CDC16: variants seen among roughly 807,000 people sequenced by gnomAD.
CDC16 encodes cell division cycle 16.
CDC16 carries 34 observed loss-of-function variants against 87.0 expected under a neutral mutation model. The observed-to-expected ratio is 0.39, with a 90% confidence interval of 0.30 to 0.52. The LOEUF (loss-of-function observed/expected upper bound fraction) is 0.52, where lower values mean the gene tolerates loss of function less well. Among genes scored for constraint, CDC16 ranks in the 20% least tolerant of loss-of-function variants. CDC16 has a pLI of 0.74. For missense variants in CDC16, 653 were observed against 751.9 expected (o/e 0.87, Z 1.54); for synonymous variants, 263 against 260.6 (o/e 1.01, Z -0.09).
chr13:114,250,662 A>G lies in CDC16; in HGVS notation c.1085A>G (p.Gln362Arg), dbSNP rs779518664. ...ATGGCTGCTTACTTCACAGCAGCAC[A>G]GCTGATGAAAGGGTACGGCAGAGCA... ...QAMAAYFTAA[Q>R]LMKGCHLPML... The change falls in exon 12 of 18, where the codon CAG (glutamine) becomes CGG (arginine). Residue 362 changes from glutamine (Q) to arginine (R), a missense_variant. Gln to Arg is a conservative substitution (Grantham distance 43). Transcript: ENST00000356221. The G allele has an allele frequency of 6.2e-7, 1 of 1,614,146 alleles. No homozygotes were observed. Among genetic ancestry groups the G allele is most frequent in the Non-Finnish European group, 8.5e-7 (1 of 1,179,978 alleles).
chr13:114,266,857 G>A (rs924373176), intron 17 of CDC16, among the ~76,000 whole-genome samples: 7 of 152,002 alleles, frequency 4.6e-5, no homozygotes, highest in Admixed American at 6.5e-5. Flanking sequence ...CACCACGCCC[G>A]GCTAATTTTT....
At chr13:114,238,361 C>T (rs2081364254) in intron 3 of CDC16, among the ~76,000 whole-genome samples, 1 of 147,592 alleles carries the variant, frequency 6.8e-6, no homozygotes, top group Non-Finnish European at 1.5e-5. Flanking sequence ...GGATGCCCAG[C>T]AGTTATTCAC....
chr13:114,256,601 ACT>A (rs747528452), intron 12 of CDC16, among the ~76,000 whole-genome samples: 3 of 152,224 alleles, frequency 2.0e-5, no homozygotes, highest in Non-Finnish European at 4.4e-5. Flanking sequence ...ATTATTCATA[ACT>A]CTTCTGCATA....
chr13:114,235,749 A>G (rs2081218606), intron 1 of CDC16, among the ~76,000 whole-genome samples: 1 of 152,208 alleles, frequency 6.6e-6, no homozygotes, highest in African/African-American at 2.4e-5. Flanking sequence ...AAGAAAAGCC[A>G]TGGTAATGCA....
intron 12 of CDC16, among the ~76,000 whole-genome samples, chr13:114,253,425 A>C (rs145363929): frequency 0.011 from 1,736 of 152,216 alleles, 97 homozygotes; most frequent in Admixed American, 0.081. Flanking sequence ...GCAGTGGCTC[A>C]CACCTGTAAT....
chr13:114,244,098 G>A, intron 8 of CDC16, 109 bp downstream of exon 8: 2 of 772,814 alleles, frequency 2.6e-6, no homozygotes, highest in South Asian at 3.9e-5. Flanking sequence ...GATAATTTAA[G>A]TTATCTTTAC....
intron 17 of CDC16, among the ~76,000 whole-genome samples, chr13:114,266,908 G>A (rs1157138216): frequency 6.6e-6 from 1 of 151,938 alleles, no homozygotes; most frequent in African/African-American, 2.4e-5. Context: ...GTGTTCGCCA[G>A]GATGATCTTG....
rs961868256 is a variant in CDC16, at chr13:114,235,025, A to G, written c.-60A>G. ...GGCACGGGCACGGGGCGGGGTGCTT[A>G]GGGTGCAGGAGGCGCGCGCCTAGCG... On this transcript the variant is annotated 5_prime_UTR_variant, in exon 1 of 18. Coordinates refer to ENST00000356221, the MANE Select transcript of CDC16 (RefSeq NM_001078645.3). 2.0e-5 allele frequency: 24 copies of G among 1,211,268 alleles called. No individual in the cohort carries two copies. Among genetic ancestry groups the G allele is most frequent in the South Asian group, 3.4e-5 (1 of 29,512 alleles). 75.0% of individuals were successfully genotyped at this position (1,211,268 alleles called of 1,614,324 possible). A position where few individuals can be genotyped will look rare whatever the true frequency, so the allele number is the denominator to read the frequency against.
intron 15 of CDC16, 66 bp from the exon 16 acceptor site, chr13:114,262,813 T>C: frequency 2.0e-6 from 3 of 1,538,074 alleles, no homozygotes; most frequent in South Asian, 1.1e-5. Flanking sequence ...ATATGGATGG[T>C]TGCTCATCTT....
chr13:114,239,610 A>G (rs1228012659), intron 5 of CDC16, 120 bp downstream of exon 5: 1 of 1,265,286 alleles, frequency 7.9e-7, no homozygotes, highest in East Asian at 2.9e-5. Flanking sequence ...TTGCCAATTT[A>G]TTTAATTTGC....
Position 114,246,010 on chromosome 13 carries a change from T to C in CDC16, c.858T>C (p.Tyr286=). The C allele has an allele frequency of 6.7e-7, 1 of 1,489,926 alleles. No homozygotes were observed. Among genetic ancestry groups the C allele is most frequent in the Non-Finnish European group, 9.3e-7 (1 of 1,080,560 alleles). 92.3% of individuals were successfully genotyped at this position (1,489,926 alleles called of 1,614,324 possible). The change falls in exon 10 of 18, where the codon TAT becomes TAC. Residue 286 remains tyrosine, a synonymous_variant. Transcript: ENST00000356221. ...VELNKANELF[Y]LSHKLVDLYP... ...CTTTTTCCTGAACAGAACTTTTCTA[T>C]CTTTCTCATAAACTGGTGGATTTAT...
intron 16 of CDC16, among the ~76,000 whole-genome samples, chr13:114,264,582 A>C (rs2083073936): frequency 6.6e-6 from 1 of 152,012 alleles, no homozygotes; most frequent in African/African-American, 2.4e-5. Context: ...AAAAATACAG[A>C]AGGCTCAGAG....
At chr13:114,259,486 C>A in intron 14 of CDC16, 88 bp downstream of exon 14, 2 of 711,174 alleles carry the variant, frequency 2.8e-6, no homozygotes, top group Non-Finnish European at 4.4e-6. Flanking sequence ...AATCTCTTGC[C>A]TTCGAAGATA....
rs1326968168 is a variant in CDC16 at position 114,263,068 on chromosome 13, T to G, written c.1512+54T>G. ...AATCTGGTTAACATTGACCACTTCC[T>G]TTTTTGAAAATATTTTTTCTAGGTA... On this transcript the variant is annotated intron_variant, in intron 16 of 17. Coordinates refer to ENST00000356221, the MANE Select transcript of CDC16 (RefSeq NM_001078645.3). 2.0e-6 allele frequency: 3 copies of G among 1,491,948 alleles called. No homozygotes were observed. In the East Asian group the frequency reaches 6.8e-5, roughly 34 times the overall value. 92.4% of individuals were successfully genotyped at this position (1,491,948 alleles called of 1,614,324 possible). A position where few individuals can be genotyped will look rare whatever the true frequency, so the allele number is the denominator to read the frequency against.
In CDC16 at chr13:114,250,575, A is replaced by G. The variant is rs1031977173; in HGVS notation, c.998A>G (p.Tyr333Cys). ...LSKATTLEKT[Y>C]GPAWIAYGHS... ...AAAGCCACAACACTTGAGAAAACCT[A>G]TGGACCTGCATGGATAGCCTATGGA... Residue 333 changes from tyrosine (Y) to cysteine (C), a missense_variant, in exon 12 of 18, where the codon TAT (tyrosine) becomes TGT (cysteine). By Grantham distance (194) the Tyr-to-Cys change is radical. Coordinates refer to ENST00000356221, the MANE Select transcript of CDC16 (RefSeq NM_001078645.3). The G allele has an allele frequency of 3.2e-5, 52 of 1,613,824 alleles. No homozygotes were observed. The Admixed American group carries it at 4.2e-4, about 13-fold the overall frequency.
At chr13:114,243,798 C>A in intron 7 of CDC16, 58 bp from the exon 8 acceptor site, 1 of 1,426,886 alleles carries the variant, frequency 7.0e-7, no homozygotes, top group Non-Finnish European at 9.7e-7. Context: ...CAAATTGAAT[C>A]CACATTTTAT....
Position 114,235,024 on chromosome 13 carries a change from T to G in CDC16, c.-61T>G. ...GGGCACGGGCACGGGGCGGGGTGCT[T>G]AGGGTGCAGGAGGCGCGCGCCTAGC... is the stretch of plus-strand genomic sequence containing the variant. On this transcript the variant is annotated 5_prime_UTR_variant, in exon 1 of 18. Coordinates refer to ENST00000356221, the MANE Select transcript of CDC16 (RefSeq NM_001078645.3). 1.6e-6 allele frequency: 2 copies of G among 1,212,328 alleles called. No homozygotes were observed. The highest frequency in any genetic ancestry group is 2.1e-6 in the Non-Finnish European group (2 of 965,006). 75.1% of individuals were successfully genotyped at this position (1,212,328 alleles called of 1,614,324 possible).
chr13:114,261,824 G>A, intron 14 of CDC16, 63 bp from the exon 15 acceptor site: 1 of 1,190,796 alleles, frequency 8.4e-7, no homozygotes, highest in Non-Finnish European at 1.2e-6. Flanking sequence ...ATAATTCAGT[G>A]CAAACAAATC....
intron 12 of CDC16, among the ~76,000 whole-genome samples, 188 bp downstream of exon 12, chr13:114,250,862 T>G (rs1175776189): frequency 2.6e-5 from 4 of 152,104 alleles, no homozygotes; most frequent in African/African-American, 9.7e-5. Flanking sequence ...GTGTATGCAT[T>G]TGCCTAGCAG....
Sources: gnomAD v4.1 joint callset for allele counts (sites outside exome capture counted in the v4.1 genomes callset) on GRCh38, gnomAD v4.1.1 for gene constraint, MANE v1.5 for transcripts, NCBI Gene and HGNC (gene_info 2026-07-23, HGNC 2026-07-21) for gene names.